Variants in ANKRD44 observed in about 807,000 individuals in gnomAD.
The protein encoded by ANKRD44 is ankyrin repeat domain 44.
In ANKRD44, 35 loss-of-function variants were observed where a neutral mutation model predicts 116.0. That is an observed-to-expected ratio of 0.30 (90% confidence interval 0.23 to 0.40). The LOEUF (loss-of-function observed/expected upper bound fraction) is 0.40, where lower values mean the gene tolerates loss of function less well. Ranked by LOEUF, ANKRD44 falls within the 10% of genes least tolerant of loss-of-function variation. The pLI is 1.00. For missense variants in ANKRD44, 1,014 were observed against 1,242.6 expected (o/e 0.82, Z 2.77); for synonymous variants, 435 against 461.8 (o/e 0.94, Z 0.74).
intron 1 of ANKRD44, among the ~76,000 whole-genome samples, chr2:197,230,282 A>T (rs2081827033): frequency 6.6e-6 from 1 of 152,146 alleles, no homozygotes; most frequent in Admixed American, 6.5e-5. Flanking sequence ...TAAGAATGTC[A>T]CCATTTGAAC....
chr2:197,117,326 G>T (rs181145782), intron 8 of ANKRD44, among the ~76,000 whole-genome samples: 1 of 152,028 alleles, frequency 6.6e-6, no homozygotes, highest in Non-Finnish European at 1.5e-5. Context: ...TGCAACCTAC[G>T]CCTCTCAGAT....
At chr2:197,292,440 A>G (rs2105880817) in intron 1 of ANKRD44, among the ~76,000 whole-genome samples, 1 of 152,286 alleles carries the variant, frequency 6.6e-6, no homozygotes, top group South Asian at 2.1e-4. Context: ...GATGTTGCTC[A>G]TGTATTTTTT....
intron 1 of ANKRD44, among the ~76,000 whole-genome samples, chr2:197,267,141 A>G (rs2082762691): frequency 6.6e-6 from 1 of 152,210 alleles, no homozygotes; most frequent in Non-Finnish European, 1.5e-5. Context: ...TTAGGTAGAC[A>G]TCTTAAAATG....
chr2:197,107,516 GT>G (rs147912843), intron 9 of ANKRD44, among the ~76,000 whole-genome samples: 19 of 148,816 alleles, frequency 1.3e-4, no homozygotes, highest in East Asian at 9.8e-4. Context: ...AAAGAGTGGG[GT>G]TTTTTTTTTC....
intron 23 of ANKRD44, among the ~76,000 whole-genome samples, chr2:196,999,662 C>T (rs1036110188): frequency 2.7e-4 from 41 of 151,826 alleles, no homozygotes; most frequent in Admixed American, 2.0e-3. Flanking sequence ...GGCACAATCT[C>T]GGCTCACTGC....
intron 21 of ANKRD44, among the ~76,000 whole-genome samples, chr2:196,967,912 A>ACTCTCTCTCTCTCTCTCTCTCTCT (rs35734167): frequency 4.3e-5 from 6 of 140,952 alleles, no homozygotes; most frequent in Middle Eastern, 3.6e-3. Context: ...ATGGCTTGGC[A>ACTCTCTCTCTCTCTCTCTCTCTCT]CTCTCTCTCT....
At chr2:197,248,938 T>C (rs865882187) in intron 1 of ANKRD44, among the ~76,000 whole-genome samples, 1 of 152,138 alleles carries the variant, frequency 6.6e-6, no homozygotes, top group Non-Finnish European at 1.5e-5. Flanking sequence ...TTCTGTAATA[T>C]ATAAGAAAAG....
At chr2:197,269,077 G>GCGTTTT (rs2082818956) in intron 1 of ANKRD44, among the ~76,000 whole-genome samples, 1 of 124,380 alleles carries the variant, frequency 8.0e-6, no homozygotes, top group Non-Finnish European at 1.9e-5. Flanking sequence ...TGCTGGTAAT[G>GCGTTTT]TGTTTTTGTT....
At chr2:197,004,181 T>C (rs933395783) in intron 21 of ANKRD44, among the ~76,000 whole-genome samples, 9 of 152,166 alleles carry the variant, frequency 5.9e-5, no homozygotes, top group Admixed American at 3.3e-4. Flanking sequence ...CAAAATCTGA[T>C]AGGATCTTGG....
chr2:197,243,965 G>C (rs762350765), intron 1 of ANKRD44, among the ~76,000 whole-genome samples: 5 of 152,292 alleles, frequency 3.3e-5, no homozygotes, highest in Middle Eastern at 3.4e-3. Context: ...TTAAGAAATC[G>C]TATAGTATTA....
chr2:197,103,184 C>T (rs773106455), intron 9 of ANKRD44, among the ~76,000 whole-genome samples: 3 of 146,194 alleles, frequency 2.1e-5, no homozygotes, highest in African/African-American at 5.1e-5. Context: ...GCCAAGATTA[C>T]GCCACTGCGC....
intron 10 of ANKRD44, among the ~76,000 whole-genome samples, chr2:197,093,520 T>A (rs2078093825): frequency 6.6e-6 from 1 of 152,170 alleles, no homozygotes; most frequent in South Asian, 2.1e-4. Context: ...CCACAGTGAA[T>A]AAAAAGTTAC....
intron 1 of ANKRD44, among the ~76,000 whole-genome samples, chr2:197,234,905 T>A (rs561182805): frequency 1.3e-5 from 2 of 152,284 alleles, no homozygotes; most frequent in South Asian, 4.1e-4. Context: ...CAGGGCGAAC[T>A]CAATGGAGCC....
intron 1 of ANKRD44, among the ~76,000 whole-genome samples, chr2:197,193,738 C>T (rs1285413312): frequency 6.6e-6 from 1 of 151,970 alleles, no homozygotes; most frequent in Non-Finnish European, 1.5e-5. Context: ...AAAACTTAGC[C>T]GGGCCTGGTG....
intron 3 of ANKRD44, among the ~76,000 whole-genome samples, chr2:197,143,563 G>T (rs1279459860): frequency 1.3e-5 from 2 of 151,886 alleles, no homozygotes; most frequent in African/African-American, 2.4e-5. Context: ...GTATTCCATG[G>T]TGTATATGTG....
intron 2 of ANKRD44, among the ~76,000 whole-genome samples, chr2:197,154,400 C>G (rs1197392446): frequency 2.0e-5 from 3 of 151,734 alleles, no homozygotes; most frequent in African/African-American, 7.3e-5. Context: ...AGGATGGTCT[C>G]GATCTCCTGA....
intron 21 of ANKRD44, among the ~76,000 whole-genome samples, chr2:196,970,399 G>T (rs1277575715): frequency 6.6e-6 from 1 of 152,166 alleles, no homozygotes; most frequent in Non-Finnish European, 1.5e-5. Context: ...TTTTACAGTT[G>T]AAGGAAGCTT....
In ANKRD44 at chr2:197,304,655, T is replaced by C. The variant is rs549262448; in HGVS notation, c.27+5923A>G. On this transcript the variant is annotated intron_variant, in intron 1 of 27. Coordinates refer to ENST00000282272, the MANE Select transcript of ANKRD44 (RefSeq NM_001195144.2). ...ATTTTACAAAGAGAAACCTGAAGCC[T>C]ACAGAGGTTAACATGTCTTGCCAAG... 1.9e-3 allele frequency among the ~76,000 whole-genome samples: 282 copies of C among 152,318 alleles called. 1 individual carries two copies. Among genetic ancestry groups the C allele is most frequent in the African/African-American group, 6.5e-3 (272 of 41,568 alleles).
chr2:196,980,203 A>T (rs2125864489), intron 21 of ANKRD44, among the ~76,000 whole-genome samples: 1 of 152,356 alleles, frequency 6.6e-6, no homozygotes, highest in African/African-American at 2.4e-5. Context: ...CACTGATGCC[A>T]AAAGGAAATG....
Sources: gnomAD v4.1 joint callset for allele counts (sites outside exome capture counted in the v4.1 genomes callset) on GRCh38, gnomAD v4.1.1 for gene constraint, MANE v1.5 for transcripts, NCBI Gene and HGNC (gene_info 2026-07-23, HGNC 2026-07-21) for gene names.